ADAMTS12: variants seen among roughly 807,000 people sequenced by gnomAD.
ADAMTS12 encodes the protein ADAM metallopeptidase with thrombospondin type 1 motif 12.
In ADAMTS12, 118 loss-of-function variants were observed where a neutral mutation model predicts 167.8. The observed-to-expected ratio is 0.70, with a 90% CI of 0.61 to 0.82. The LOEUF is 0.82. ADAMTS12 is among the 40% of genes least tolerant of loss of function. The pLI is 0.00. For synonymous variants in ADAMTS12, 704 were observed against 716.9 expected, an observed-to-expected ratio of 0.98 and a Z score of 0.29; for missense variants, 1,916 against 1,998.8, an observed-to-expected ratio of 0.96 and a Z score of 0.79.
intron 3 of ADAMTS12, among the ~76,000 whole-genome samples, chr5:33,725,301 T>C (rs974996578): frequency 5.9e-5 from 9 of 152,330 alleles, no homozygotes; most frequent in African/African-American, 2.2e-4. Flanking sequence ...CTGGGTTGCC[T>C]GGCTCCCTAG....
chr5:33,590,237 A>G (rs1407425656), intron 17 of ADAMTS12, among the ~76,000 whole-genome samples: 1 of 152,222 alleles, frequency 6.6e-6, no homozygotes, highest in Non-Finnish European at 1.5e-5. Context: ...GTATTACTGC[A>G]AAGTGATAAT....
At chr5:33,607,385 A>T (rs1017508827) in intron 16 of ADAMTS12, among the ~76,000 whole-genome samples, 1 of 152,248 alleles carries the variant, frequency 6.6e-6, no homozygotes, top group Non-Finnish European at 1.5e-5. Context: ...AAATTAAAAC[A>T]TAAAAATCAA....
intron 20 of ADAMTS12, among the ~76,000 whole-genome samples, chr5:33,552,854 A>T (rs1745312837): frequency 6.6e-6 from 1 of 152,180 alleles, no homozygotes; most frequent in Admixed American, 6.5e-5. Context: ...AAAATTGACA[A>T]ATGGGATCTA....
intron 2 of ADAMTS12, among the ~76,000 whole-genome samples, chr5:33,825,376 C>G (rs1748024509): frequency 6.6e-6 from 1 of 152,126 alleles, no homozygotes; most frequent in South Asian, 2.1e-4. Flanking sequence ...GCTGTGGGCT[C>G]AAACTTTTTA....
intron 2 of ADAMTS12, among the ~76,000 whole-genome samples, chr5:33,826,742 G>A (rs1748086168): frequency 6.6e-6 from 1 of 151,882 alleles, no homozygotes; most frequent in Admixed American, 6.6e-5. Flanking sequence ...TGAAAAACAA[G>A]TACCAAATAA....
intron 2 of ADAMTS12, among the ~76,000 whole-genome samples, chr5:33,812,395 C>A (rs934701671): frequency 6.6e-6 from 1 of 152,126 alleles, no homozygotes; most frequent in Non-Finnish European, 1.5e-5. Context: ...ATGAATATAT[C>A]GAAAAATGAA....
chr5:33,794,383 T>C (rs1561275840), intron 2 of ADAMTS12, among the ~76,000 whole-genome samples: 1 of 152,198 alleles, frequency 6.6e-6, no homozygotes, highest in Non-Finnish European at 1.5e-5. Context: ...ATTCCGGTCC[T>C]CATTACTTCA....
rs147414320 is a variant in ADAMTS12, at chr5:33,634,518, G to A, written c.1888+3059C>T. On this transcript the variant is annotated intron_variant, in intron 12 of 23. Transcript: ENST00000504830. The stretch of plus-strand genomic sequence containing the variant: ...ATGTTTTATTGATGCAAGAAGTTAC[G>A]TTTAACTTAAAAAGGAAGCTCAGCT... Among the ~76,000 whole-genome samples, 21 of 152,230 alleles carry A rather than the reference G, an allele frequency of 1.4e-4. No individual in the cohort carries two copies. The East Asian group carries it at 3.7e-3, about 27-fold the overall frequency.
intron 2 of ADAMTS12, among the ~76,000 whole-genome samples, chr5:33,774,692 C>T (rs1163424243): frequency 6.6e-6 from 1 of 152,148 alleles, no homozygotes; most frequent in African/African-American, 2.4e-5. Context: ...AAAGATAACC[C>T]TGAAAGTTAA....
At chr5:33,608,377 T>TA (rs2112075239) in intron 16 of ADAMTS12, among the ~76,000 whole-genome samples, 1 of 152,316 alleles carries the variant, frequency 6.6e-6, no homozygotes, top group East Asian at 1.9e-4. Flanking sequence ...TTCTGTGCTT[T>TA]AAAAACCAAG....
At chr5:33,707,302 A>G (rs1276488133) in intron 3 of ADAMTS12, among the ~76,000 whole-genome samples, 1 of 152,308 alleles carries the variant, frequency 6.6e-6, no homozygotes, top group African/African-American at 2.4e-5. Flanking sequence ...GAAACAAGAG[A>G]AGACACAAAT....
chr5:33,649,820 T>A, intron 7 of ADAMTS12, 123 bp from the exon 8 acceptor site: 8 of 1,293,082 alleles, frequency 6.2e-6, no homozygotes, highest in Non-Finnish European at 8.3e-6. Flanking sequence ...AAGGCAACTG[T>A]TTGCAAAGTG....
intron 2 of ADAMTS12, among the ~76,000 whole-genome samples, chr5:33,861,490 T>C (rs765136539): frequency 9.9e-5 from 15 of 152,114 alleles, no homozygotes; most frequent in Non-Finnish European, 1.8e-4. Flanking sequence ...ACCCTAAATA[T>C]ATATGCACCC....
chr5:33,689,843 T>C (rs544298542), intron 3 of ADAMTS12, among the ~76,000 whole-genome samples: 66 of 152,340 alleles, frequency 4.3e-4, no homozygotes, highest in African/African-American at 1.6e-3. Context: ...CATGGAACCT[T>C]TCCTTGATAC....
chr5:33,710,863 C>G (rs1409020027), intron 3 of ADAMTS12, among the ~76,000 whole-genome samples: 1 of 152,044 alleles, frequency 6.6e-6, no homozygotes, highest in African/African-American at 2.4e-5. Flanking sequence ...ACTTCTATAG[C>G]AGGAAAAATC....
chr5:33,625,834 G>A (rs916503265), intron 13 of ADAMTS12, among the ~76,000 whole-genome samples: 2 of 152,126 alleles, frequency 1.3e-5, no homozygotes, highest in Non-Finnish European at 2.9e-5. Context: ...ACTGAATTAA[G>A]TATGCAACAA....
intron 2 of ADAMTS12, among the ~76,000 whole-genome samples, chr5:33,799,825 C>T (rs184017476): frequency 2.0e-5 from 3 of 152,338 alleles, no homozygotes; most frequent in African/African-American, 7.2e-5. Flanking sequence ...AGTGCCACAT[C>T]AGGCTCACAG....
At chr5:33,714,707 A>G (rs903101108) in intron 3 of ADAMTS12, among the ~76,000 whole-genome samples, 2 of 152,260 alleles carry the variant, frequency 1.3e-5, no homozygotes, top group South Asian at 4.1e-4. Context: ...ACAGAAAGAC[A>G]AAATTACATG....
intron 3 of ADAMTS12, among the ~76,000 whole-genome samples, chr5:33,732,390 C>G (rs1355985854): frequency 6.6e-6 from 1 of 152,072 alleles, no homozygotes; most frequent in African/African-American, 2.4e-5. Context: ...ACAGAAAAAG[C>G]ATTTTCCCAC....
Sources: gnomAD v4.1 joint callset for allele counts (sites outside exome capture counted in the v4.1 genomes callset) on GRCh38, gnomAD v4.1.1 for gene constraint, MANE v1.5 for transcripts, NCBI Gene and HGNC (gene_info 2026-07-23, HGNC 2026-07-21) for gene names.